The following SNTA1 variants were observed in gnomAD, a reference collection of about 807,000 sequenced individuals.
SNTA1 encodes the protein syntrophin alpha 1, also known as alpha-1-syntrophin.
A neutral mutation model predicts 47.1 loss-of-function variants in SNTA1; 31 were observed. The ratio of observed to expected loss-of-function variants is 0.66; its 90% CI spans 0.49 to 0.89. SNTA1 has a LOEUF of 0.89. SNTA1 is among the 40% of genes least tolerant of loss of function. The pLI is 0.00. For missense variants in SNTA1, 575 were observed against 693.0 expected (o/e 0.83, Z 1.91); for synonymous variants, 300 against 313.6 (o/e 0.96, Z 0.46).
rs764093818 is a variant in SNTA1, at chr20:33,443,402, C to G, written c.219G>C (p.Gly73=). 2.3e-5 allele frequency: 31 copies of G among 1,350,532 alleles called. 1 individual carries two copies. Among genetic ancestry groups the G allele is most frequent in the Middle Eastern group, 5.6e-4 (2 of 3,588 alleles). 83.7% of individuals were successfully genotyped at this position (1,350,532 alleles called of 1,614,324 possible). A position where few individuals can be genotyped will look rare whatever the true frequency, so the allele number is the denominator to read the frequency against. Residue 73 remains glycine (G), a synonymous_variant, in exon 1 of 8, where the codon GGG becomes GGC. Transcript: ENST00000217381. ...QLNGAAEPGA[G]PPQLPEALLL... is the part of the protein sequence containing the mutation. ...GTAGCGCCTCTGGCAGCTGCGGGGG[C>G]CCGGCGCCCGGCTCCGCGGCGCCGT...
At chr20:33,417,127 T>A (rs1450750389) in intron 3 of SNTA1, among the ~76,000 whole-genome samples, 1 of 151,504 alleles carries the variant, frequency 6.6e-6, no homozygotes, top group Non-Finnish European at 1.5e-5. Flanking sequence ...AAAATAATAA[T>A]AAAATAAAAT....
At chr20:33,414,245 C>CAAAAAAAAAAAAAAAAAA (rs56186098) in intron 3 of SNTA1, among the ~76,000 whole-genome samples, 5 of 29,266 alleles carry the variant, frequency 1.7e-4, no homozygotes, top group African/African-American at 2.4e-4. Context: ...TCTCAAAAAC[C>CAAAAAAAAAAAAAAAAAA]AAAAAAAAAA....
At position 33,443,665 on chromosome 20, in the gene SNTA1, T is replaced by C. The variant is rs1288395571; in HGVS notation, c.-45A>G. The C allele has an allele frequency of 8.8e-7, 1 of 1,138,878 alleles. No homozygotes were observed. Among genetic ancestry groups the C allele is most frequent in the Non-Finnish European group, 1.1e-6 (1 of 924,314 alleles). 70.5% of individuals were successfully genotyped at this position (1,138,878 alleles called of 1,614,324 possible). ...GGCCGCCGCGCTCGCCCTGTCCCGCTTTGCCCAGCCCGCTCCGACCAAGCG... is the reference window on the plus strand; with the variant it reads ...GGCCGCCGCGCTCGCCCTGTCCCGCCTTGCCCAGCCCGCTCCGACCAAGCG... On this transcript the variant is annotated 5_prime_UTR_variant, in exon 1 of 8. Coordinates refer to ENST00000217381, the MANE Select transcript of SNTA1 (RefSeq NM_003098.3).
intron 3 of SNTA1, among the ~76,000 whole-genome samples, chr20:33,414,795 T>C (rs1200392729): frequency 6.6e-6 from 1 of 152,116 alleles, no homozygotes; most frequent in East Asian, 1.9e-4. Context: ...ATTAAAATGG[T>C]AGAGCAGGAA....
In SNTA1 at chr20:33,417,777, T is replaced by A. The variant is rs758862568; in HGVS notation, c.643A>T (p.Met215Leu). 6.2e-7 allele frequency: 1 copy of A among 1,613,970 alleles called. No homozygotes were observed. ...GAGACATATGCCATCTTCAAGGACA[T>A]GTGTTTGGCCTCGCTGAAGTTCCGG... is the stretch of plus-strand genomic sequence containing the variant. ...TPRNFSEAKH[M>L]SLKMAYVSKR... The change falls in exon 3 of 8, where the codon ATG (methionine) becomes TTG (leucine). Residue 215 changes from methionine (M) to leucine (L), a missense_variant. Physicochemically the swap from Met to Leu is conservative, Grantham distance 15. Coordinates refer to ENST00000217381, the MANE Select transcript of SNTA1 (RefSeq NM_003098.3).
At chr20:33,439,074 C>T in intron 1 of SNTA1, 48 bp from the exon 2 acceptor site, 5 of 1,503,860 alleles carry the variant, frequency 3.3e-6, no homozygotes, top group Non-Finnish European at 4.6e-6. Context: ...TACTCCAACA[C>T]TTGGGAGTCA....
chr20:33,408,385 C>T lies in SNTA1; in HGVS notation c.*122G>A, dbSNP rs116151218. On this transcript the variant is annotated 3_prime_UTR_variant, in exon 8 of 8. Coordinates refer to ENST00000217381, the MANE Select transcript of SNTA1 (RefSeq NM_003098.3). ...CCAGTCTCCCTCAGGGTTGGGGTTT[C>T]GGAGGCCCTTGTTCCTCTCCTCTCC... 1,534 of 757,342 alleles carry T rather than the reference C, an allele frequency of 2.0e-3. 17 individuals are homozygous for T. The African/African-American group carries it at 0.023, about 11-fold the overall frequency. 46.9% of individuals were successfully genotyped at this position (757,342 alleles called of 1,614,324 possible). A position where few individuals can be genotyped will look rare whatever the true frequency, so the allele number is the denominator to read the frequency against.
chr20:33,443,240 G>A (rs1990622828), intron 1 of SNTA1, 71 bp downstream of exon 1: 2 of 1,248,420 alleles, frequency 1.6e-6, no homozygotes, highest in Non-Finnish European at 2.1e-6. Context: ...TCCTGGGCGC[G>A]CTGCCAGCCC....
chr20:33,420,076 ACCACAC>A (rs1989983828), intron 2 of SNTA1, among the ~76,000 whole-genome samples: 1 of 152,020 alleles, frequency 6.6e-6, no homozygotes, highest in East Asian at 1.9e-4. Context: ...GGTGCGTACC[ACCACAC>A]CCAGCTAATT....
Position 33,408,114 on chromosome 20 carries a change from C to G in SNTA1, c.*393G>C. On this transcript the variant is annotated 3_prime_UTR_variant, in exon 8 of 8. Coordinates refer to ENST00000217381, the MANE Select transcript of SNTA1 (RefSeq NM_003098.3). ...CCTCTTCTTTCTCTTGCTGCTGACC[C>G]CAGGGTACTCCAGCTTCAGATGGGA... 1 of 299,088 alleles carries G rather than the reference C, an allele frequency of 3.3e-6. No homozygotes were observed. Among genetic ancestry groups the G allele is most frequent in the Non-Finnish European group, 6.6e-6 (1 of 151,982 alleles). 18.5% of individuals were successfully genotyped at this position (299,088 alleles called of 1,614,324 possible). A position where few individuals can be genotyped will look rare whatever the true frequency, so the allele number is the denominator to read the frequency against.
chr20:33,429,874 A>T (rs549414011), intron 2 of SNTA1, among the ~76,000 whole-genome samples: 32 of 152,182 alleles, frequency 2.1e-4, no homozygotes, highest in African/African-American at 7.7e-4. Flanking sequence ...ATGATCCTTC[A>T]GCCTCAGCAT....
At chr20:33,438,511 G>C (rs909308805) in intron 2 of SNTA1, among the ~76,000 whole-genome samples, 3 of 152,102 alleles carry the variant, frequency 2.0e-5, no homozygotes, top group Admixed American at 2.0e-4. Context: ...TTTTGCCCTA[G>C]TCGCAACAAC....
chr20:33,429,926 C>T (rs921628261), intron 2 of SNTA1, among the ~76,000 whole-genome samples: 44 of 152,074 alleles, frequency 2.9e-4, no homozygotes, highest in Non-Finnish European at 5.3e-4. Flanking sequence ...CCATGCCTGG[C>T]TAATTTTTGT....
In SNTA1 at chr20:33,412,367, GA is replaced by G; in HGVS notation, c.968del (p.Leu323ProfsTer12). The G allele has an allele frequency of 6.2e-7, 1 of 1,611,834 alleles. No individual in the cohort carries two copies. The highest frequency in any genetic ancestry group is 8.5e-7 in the Non-Finnish European group (1 of 1,179,416). Reference protein sequence around the residue: ...LALLTEKELLLYLSLPETREA... With the variant: ...LALLTEKELLXYLSLPETREA... ...CGCGGGTCTCGGGGAGAGACAAGTA[GA>G]GGAGCAGTTCCTTTTCAGTTAGCAG... On this transcript the variant is annotated frameshift_variant, in exon 5 of 8. Coordinates refer to ENST00000217381, the MANE Select transcript of SNTA1 (RefSeq NM_003098.3). LOFTEE classifies it high-confidence loss of function.
intron 2 of SNTA1, among the ~76,000 whole-genome samples, chr20:33,424,844 C>T (rs1990124874): frequency 6.6e-6 from 1 of 151,100 alleles, no homozygotes; most frequent in South Asian, 2.1e-4. Context: ...AGGCCGGGCA[C>T]AGTGGCTCGT....
In SNTA1 at chr20:33,443,724, C is replaced by T; in HGVS notation, c.-104G>A. The T allele has an allele frequency of 1.5e-6, 1 of 657,216 alleles. No individual in the cohort carries two copies. The highest frequency in any genetic ancestry group is 2.0e-6 in the Non-Finnish European group (1 of 500,266). The allele number at this position is 657,216 out of a possible 1,614,324, so 40.7% of individuals were successfully genotyped here. ...AGAGGGCAGCGGGGGCCCGGCTGGG[C>T]CAGCCGCCACCCTACCCCGGCCGCT... On this transcript the variant is annotated 5_prime_UTR_variant, in exon 1 of 8. Transcript: ENST00000217381.
chr20:33,434,988 T>C (rs1990403124), intron 2 of SNTA1, among the ~76,000 whole-genome samples: 1 of 141,138 alleles, frequency 7.1e-6, no homozygotes, highest in Non-Finnish European at 1.5e-5. Flanking sequence ...CCAGCTTTTT[T>C]TTTTTTTTTT....
chr20:33,418,873 G>A (rs1989949958), intron 2 of SNTA1, among the ~76,000 whole-genome samples: 1 of 151,214 alleles, frequency 6.6e-6, no homozygotes, highest in Admixed American at 6.6e-5. Context: ...AGCACTTTGG[G>A]AGGCCAAGGC....
At chr20:33,430,594 G>T (rs546213714) in intron 2 of SNTA1, among the ~76,000 whole-genome samples, 3 of 151,766 alleles carry the variant, frequency 2.0e-5, no homozygotes, top group Non-Finnish European at 4.4e-5. Context: ...TTTATTTAAT[G>T]GGTGAGTAAA....
Sources: gnomAD v4.1 joint callset for allele counts (sites outside exome capture counted in the v4.1 genomes callset) on GRCh38, gnomAD v4.1.1 for gene constraint, MANE v1.5 for transcripts, NCBI Gene and HGNC (gene_info 2026-07-23, HGNC 2026-07-21) for gene names.